EEPD1: variants seen among roughly 807,000 people sequenced by gnomAD.
EEPD1 encodes endonuclease/exonuclease/phosphatase family domain containing 1, also known as endonuclease/exonuclease/phosphatase family domain-containing protein 1.
A neutral mutation model predicts 46.3 loss-of-function variants in EEPD1; 17 were observed. The observed-to-expected ratio is 0.37, with a 90% confidence interval of 0.25 to 0.55. EEPD1 has a LOEUF of 0.55. EEPD1 is among the 20% of genes least tolerant of loss of function. The pLI is 0.83. For missense variants in EEPD1, 673 were observed against 745.6 expected (o/e 0.90, Z 1.13); for synonymous variants, 313 against 315.6 (o/e 0.99, Z 0.09).
rs147463504 is a variant in EEPD1 at position 36,154,481 on chromosome 7, C to T, written c.157C>T (p.Leu53=). 265 of 1,614,108 alleles carry T rather than the reference C, an allele frequency of 1.6e-4. 1 individual carries two copies. The highest frequency in any genetic ancestry group is 1.7e-5 in the Admixed American group (1 of 60,012). The change falls in exon 2 of 8, where the codon CTG becomes TTG. Residue 53 remains leucine (L), a synonymous_variant. Transcript: ENST00000242108. This position sits in a 1 kb window ranked among gnomAD's most constrained non-coding sequence, Gnocchi z 4.2. ...TGCCACGGAGGAGGAGCTGATGACC[C>T]TGCCTGGGGTGACGCGTGCCGTGGC... is the stretch of plus-strand genomic sequence containing the variant. The part of the protein sequence containing the change: ...NTATEEELMT[L]PGVTRAVARS...
intron 4 of EEPD1, among the ~76,000 whole-genome samples, chr7:36,282,221 TA>T (rs1398311383): frequency 1.7e-4 from 26 of 152,352 alleles, no homozygotes; most frequent in African/African-American, 6.3e-4. Flanking sequence ...ATAATAAGAA[TA>T]ATACCACCTT....
chr7:36,283,875 A>G (rs1183607900), intron 4 of EEPD1, among the ~76,000 whole-genome samples: 1 of 152,142 alleles, frequency 6.6e-6, no homozygotes, highest in Non-Finnish European at 1.5e-5. Flanking sequence ...TGGCCTCTCA[A>G]ATGACATGCA....
chr7:36,203,031 G>A (rs1038544254), intron 2 of EEPD1, among the ~76,000 whole-genome samples: 1 of 152,220 alleles, frequency 6.6e-6, no homozygotes, highest in Non-Finnish European at 1.5e-5. Context: ...GAGGCGGGAT[G>A]TGCTGGTGGC....
chr7:36,276,600 ATTTG>A (rs909158416), intron 3 of EEPD1, among the ~76,000 whole-genome samples: 3 of 152,214 alleles, frequency 2.0e-5, no homozygotes, highest in Admixed American at 2.0e-4. Context: ...CCAAAATAGT[ATTTG>A]TTTGTTTGGA....
chr7:36,188,505 G>A (rs1448822868), intron 2 of EEPD1, among the ~76,000 whole-genome samples: 1 of 152,196 alleles, frequency 6.6e-6, no homozygotes, highest in African/African-American at 2.4e-5. Flanking sequence ...GCTGGCTGGA[G>A]CCAGCGGCGC....
intron 3 of EEPD1, among the ~76,000 whole-genome samples, chr7:36,261,380 C>G (rs1786920511): frequency 6.6e-6 from 1 of 152,142 alleles, no homozygotes; most frequent in African/African-American, 2.4e-5. Flanking sequence ...CCTTGTTAGT[C>G]TCTTAACTCT....
rs571674332 is a variant in EEPD1, at chr7:36,259,590, G to A, written c.930+20554G>A. 1.5e-3 allele frequency among the ~76,000 whole-genome samples: 232 copies of A among 152,064 alleles called. 1 individual carries two copies. Among genetic ancestry groups the A allele is most frequent in the African/African-American group, 5.3e-3 (219 of 41,496 alleles). On this transcript the variant is annotated intron_variant, in intron 3 of 7. Coordinates refer to ENST00000242108, the MANE Select transcript of EEPD1 (RefSeq NM_030636.3). ...AGTGGCCCAATCTCAGCTCACTGCAGCCTCAATCTCCTGGGCTCAGGTGAT... is the reference window on the plus strand; with the variant it reads ...AGTGGCCCAATCTCAGCTCACTGCAACCTCAATCTCCTGGGCTCAGGTGAT...
chr7:36,241,565 G>A (rs189409425), intron 3 of EEPD1, among the ~76,000 whole-genome samples: 1 of 152,062 alleles, frequency 6.6e-6, no homozygotes, highest in African/African-American at 2.4e-5. Flanking sequence ...AAAAATGCAG[G>A]TGCCAAAAAT....
At chr7:36,292,783 A>AG (rs796657593) in intron 6 of EEPD1, among the ~76,000 whole-genome samples, 52 of 152,260 alleles carry the variant, frequency 3.4e-4, no homozygotes, top group African/African-American at 1.2e-3. Context: ...CTGGGATTAC[A>AG]GGTGTGAGCC....
intron 2 of EEPD1, among the ~76,000 whole-genome samples, chr7:36,220,363 A>T (rs571471898): frequency 2.0e-5 from 3 of 152,154 alleles, no homozygotes; most frequent in Non-Finnish European, 4.4e-5. Flanking sequence ...TCCCCAATTC[A>T]CTTGGGTTAG....
chr7:36,170,890 T>G (rs1785067661), intron 2 of EEPD1, among the ~76,000 whole-genome samples: 1 of 152,142 alleles, frequency 6.6e-6, no homozygotes, highest in Admixed American at 6.5e-5. Flanking sequence ...TAGAATAGTT[T>G]TAGTTCATTT....
At position 36,299,914 on chromosome 7, in the gene EEPD1, C is replaced by G. The variant is rs1787591112; in HGVS notation, c.*708C>G. Reference sequence around the variant, plus strand: ...ACCTTGAGGCCTTGCAGAGGCGCCTCTCAAGGCCCCATCAGCTCGCCGGGA... The same window carrying G: ...ACCTTGAGGCCTTGCAGAGGCGCCTGTCAAGGCCCCATCAGCTCGCCGGGA... On this transcript the variant is annotated 3_prime_UTR_variant, in exon 8 of 8. Transcript: ENST00000242108. The G allele has an allele frequency of 6.6e-6, 1 of 152,280 alleles. No individual in the cohort carries two copies. Among genetic ancestry groups the G allele is most frequent in the Non-Finnish European group, 1.5e-5 (1 of 68,134 alleles). 9.4% of individuals were successfully genotyped at this position (152,280 alleles called of 1,614,324 possible).
intron 3 of EEPD1, among the ~76,000 whole-genome samples, chr7:36,243,736 T>C (rs899719431): frequency 1.5e-4 from 23 of 152,190 alleles, no homozygotes; most frequent in African/African-American, 5.6e-4. Flanking sequence ...TGTGAGTTCA[T>C]GTCCTTTGTA....
chr7:36,281,323 C>A, intron 4 of EEPD1, 98 bp downstream of exon 4: 1 of 1,085,790 alleles, frequency 9.2e-7, no homozygotes, highest in Non-Finnish European at 1.3e-6. Flanking sequence ...GCCAATATCC[C>A]CGGTTCAATT....
At chr7:36,291,542 C>T (rs1340671047) in intron 6 of EEPD1, among the ~76,000 whole-genome samples, 1 of 152,212 alleles carries the variant, frequency 6.6e-6, no homozygotes, top group Non-Finnish European at 1.5e-5. Context: ...ATTATTCAAG[C>T]TGGCACTGAT....
intron 2 of EEPD1, among the ~76,000 whole-genome samples, chr7:36,217,753 A>AG (rs1212133514): frequency 6.6e-6 from 1 of 152,124 alleles, no homozygotes; most frequent in African/African-American, 2.4e-5. Flanking sequence ...ACAGGGAGAG[A>AG]GGGGGGATTG....
At chr7:36,177,650 C>T (rs1785205533) in intron 2 of EEPD1, among the ~76,000 whole-genome samples, 1 of 152,030 alleles carries the variant, frequency 6.6e-6, no homozygotes, top group Non-Finnish European at 1.5e-5. Context: ...CCACTTTTTC[C>T]AATTCGCTGT....
At chr7:36,181,421 A>G (rs754511281) in intron 2 of EEPD1, among the ~76,000 whole-genome samples, 2 of 152,164 alleles carry the variant, frequency 1.3e-5, no homozygotes, top group Non-Finnish European at 2.9e-5. Context: ...CCCAGAGTCA[A>G]TCATTTTGAC....
intron 3 of EEPD1, among the ~76,000 whole-genome samples, chr7:36,275,494 T>G (rs1787167543): frequency 6.6e-6 from 1 of 152,204 alleles, no homozygotes; most frequent in Non-Finnish European, 1.5e-5. Context: ...TCACCCAGGA[T>G]GGAGTGTAGT....
Sources: allele counts gnomAD v4.1 joint callset (sites outside exome capture counted in the v4.1 genomes callset), GRCh38; gene constraint gnomAD v4.1.1; non-coding constraint Gnocchi (gnomAD v3.1); transcripts MANE v1.5; gene names NCBI Gene and HGNC (gene_info 2026-07-23, HGNC 2026-07-21).